ENTREP1: variants seen among roughly 807,000 people sequenced by gnomAD.
The protein encoded by ENTREP1 is endosomal transmembrane epsin interactor 1.
chr9:69,354,140 A>C, the ENTREP1 span, among the ~76,000 whole-genome samples: 1 of 150,050 alleles, frequency 6.7e-6, no homozygotes, highest in Non-Finnish European at 1.5e-5. Flanking sequence ...TGTCTTACGT[A>C]TTTTTTTTAT....
At chr9:69,366,319 A>G in the ENTREP1 span, among the ~76,000 whole-genome samples, 8 of 147,996 alleles carry the variant, frequency 5.4e-5, no homozygotes, top group Non-Finnish European at 1.0e-4. Context: ...CCATTTGTAT[A>G]TCTTCTTTTG....
the ENTREP1 span, chr9:69,329,764 G>A: frequency 5.8e-6 from 3 of 512,862 alleles, no homozygotes; most frequent in South Asian, 2.1e-4. Flanking sequence ...CTCGGTTTGG[G>A]GGGTGCGTTT....
At chr9:69,332,924 ATGAT>A in the ENTREP1 span, among the ~76,000 whole-genome samples, 1 of 152,362 alleles carries the variant, frequency 6.6e-6, no homozygotes, top group East Asian at 1.9e-4. Flanking sequence ...TAATATGGAA[ATGAT>A]TGAATACGTT....
chr9:69,327,224 A>T, the ENTREP1 span, among the ~76,000 whole-genome samples: 2 of 152,144 alleles, frequency 1.3e-5, no homozygotes, highest in Non-Finnish European at 2.9e-5. Context: ...GTGCCTCATG[A>T]AAAAACGCCA....
the ENTREP1 span, among the ~76,000 whole-genome samples, chr9:69,368,685 C>T: frequency 6.6e-6 from 1 of 152,092 alleles, no homozygotes; most frequent in East Asian, 1.9e-4. Context: ...AGAATTCCCT[C>T]TCCTTCAATT....
the ENTREP1 span, chr9:69,371,224 G>A: frequency 2.3e-6 from 1 of 437,242 alleles, no homozygotes; most frequent in Non-Finnish European, 4.2e-6. Context: ...TTAGTGTAAT[G>A]TGTGGGTGGA....
chr9:69,389,551 G>A, the ENTREP1 span, among the ~76,000 whole-genome samples: 6 of 152,070 alleles, frequency 3.9e-5, no homozygotes, highest in Non-Finnish European at 8.8e-5. Context: ...TGACGGTTCC[G>A]GGTGAGGCTC....
the ENTREP1 span, among the ~76,000 whole-genome samples, chr9:69,347,466 A>G: frequency 2.6e-5 from 4 of 152,190 alleles, no homozygotes; most frequent in Non-Finnish European, 5.9e-5. Flanking sequence ...CCACACGAAA[A>G]AAGGGAAACA....
At chr9:69,383,720 G>T in the ENTREP1 span, 2 of 1,614,032 alleles carry the variant, frequency 1.2e-6, no homozygotes, top group Non-Finnish European at 8.5e-7. Flanking sequence ...ATCCCCCGCC[G>T]CCATATGAAG....
the ENTREP1 span, among the ~76,000 whole-genome samples, chr9:69,326,274 G>A: frequency 2.0e-4 from 30 of 152,102 alleles, no homozygotes; most frequent in African/African-American, 6.3e-4. Flanking sequence ...GAGTTCAGGA[G>A]GTAATGAGGG....
the ENTREP1 span, among the ~76,000 whole-genome samples, chr9:69,331,138 G>A: frequency 3.9e-5 from 6 of 152,086 alleles, no homozygotes; most frequent in Non-Finnish European, 8.8e-5. Context: ...GAGCTATAGG[G>A]CAGGGTAGGT....
At chr9:69,388,412 A>T in the ENTREP1 span, 3 of 1,611,088 alleles carry the variant, frequency 1.9e-6, no homozygotes, top group Admixed American at 5.0e-5. Context: ...TGAGGAGCAC[A>T]TGGAGGAAGC....
At chr9:69,375,703 T>G in the ENTREP1 span, 2 of 1,566,432 alleles carry the variant, frequency 1.3e-6, no homozygotes, top group South Asian at 1.1e-5. Flanking sequence ...TCTTAATAAT[T>G]AAAGTATTTT....
the ENTREP1 span, chr9:69,329,289 G>A: frequency 1.1e-6 from 1 of 899,644 alleles, no homozygotes; most frequent in African/African-American, 1.8e-5. Flanking sequence ...TTTTGCTTGT[G>A]TATTTGATAC....
At chr9:69,375,167 T>C in the ENTREP1 span, among the ~76,000 whole-genome samples, 1 of 152,376 alleles carries the variant, frequency 6.6e-6, no homozygotes, top group Non-Finnish European at 1.5e-5. Context: ...CTATGTTATA[T>C]GGTGTGTGCA....
the ENTREP1 span, among the ~76,000 whole-genome samples, chr9:69,363,455 C>G: frequency 6.6e-6 from 1 of 152,136 alleles, no homozygotes; most frequent in Admixed American, 6.5e-5. Flanking sequence ...CAGCAGGAAA[C>G]AGATGACACA....
At chr9:69,372,692 A>G in the ENTREP1 span, among the ~76,000 whole-genome samples, 1 of 152,144 alleles carries the variant, frequency 6.6e-6, no homozygotes, top group Non-Finnish European at 1.5e-5. Flanking sequence ...ATTCTTTTGG[A>G]TATATAACCA....
At chr9:69,341,279 C>G in the ENTREP1 span, among the ~76,000 whole-genome samples, 1 of 152,066 alleles carries the variant, frequency 6.6e-6, no homozygotes, top group Non-Finnish European at 1.5e-5. Flanking sequence ...GAAGGTTCTT[C>G]CCCAGAGATG....
chr9:69,376,411 G>T, the ENTREP1 span, among the ~76,000 whole-genome samples: 5 of 152,076 alleles, frequency 3.3e-5, no homozygotes, highest in Non-Finnish European at 7.4e-5. Context: ...TAAGCCAAAG[G>T]TATTAAACAA....
Sources: allele counts gnomAD v4.1 joint callset (sites outside exome capture counted in the v4.1 genomes callset), GRCh38; gene constraint gnomAD v4.1.1; transcripts MANE v1.5; gene names NCBI Gene and HGNC (gene_info 2026-07-23, HGNC 2026-07-21).